The following ANKS1B variants were observed in gnomAD, a reference collection of about 807,000 sequenced individuals.
The protein encoded by ANKS1B is ankyrin repeat and sterile alpha motif domain-containing protein 1B.
ANKS1B carries 36 observed loss-of-function variants against 148.3 expected under a neutral mutation model. The ratio of observed to expected loss-of-function variants is 0.24; its 90% CI spans 0.19 to 0.32. ANKS1B has a LOEUF of 0.32. ANKS1B is among the 10% of genes least tolerant of loss of function. The probability of loss-of-function intolerance (pLI) is 1.00; values close to 1 mark genes in which losing one functional copy is unlikely to be tolerated. For missense variants in ANKS1B, 1,157 were observed against 1,542.6 expected, an observed-to-expected ratio of 0.75 and a Z score of 4.19; for synonymous variants, 542 against 560.8, an observed-to-expected ratio of 0.97 and a Z score of 0.47.
chr12:99,087,420 G>A (rs1432061424), intron 15 of ANKS1B, among the ~76,000 whole-genome samples: 2 of 151,854 alleles, frequency 1.3e-5, no homozygotes, highest in African/African-American at 4.8e-5. Context: ...AATGATCCAG[G>A]TATTCAGCAG....
chr12:99,784,060 A>G (rs1316749489), intron 4 of ANKS1B, among the ~76,000 whole-genome samples: 1 of 152,158 alleles, frequency 6.6e-6, no homozygotes, highest in African/African-American at 2.4e-5. Context: ...AATGTGGCTT[A>G]AGAAACCCAG....
At chr12:99,819,692 T>C (rs2082279897) in intron 2 of ANKS1B, among the ~76,000 whole-genome samples, 1 of 151,164 alleles carries the variant, frequency 6.6e-6, no homozygotes, top group African/African-American at 2.4e-5. Flanking sequence ...AAGAAGAAAA[T>C]AAGGAACTAT....
intron 1 of ANKS1B, among the ~76,000 whole-genome samples, chr12:99,954,270 C>G (rs1010627654): frequency 6.6e-6 from 1 of 152,134 alleles, no homozygotes; most frequent in Non-Finnish European, 1.5e-5. Flanking sequence ...AATCTTCAAT[C>G]CAGTTCTTTC....
intron 24 of ANKS1B, among the ~76,000 whole-genome samples, chr12:98,776,845 T>TA (rs2098682381): frequency 6.6e-6 from 1 of 152,180 alleles, no homozygotes; most frequent in African/African-American, 2.4e-5. Flanking sequence ...CACATGTGCT[T>TA]AACATGGCCT....
intron 17 of ANKS1B, among the ~76,000 whole-genome samples, chr12:99,041,307 A>G (rs113037435): frequency 7.9e-5 from 12 of 152,308 alleles, no homozygotes; most frequent in African/African-American, 2.4e-4. Context: ...CGAAGAGTGG[A>G]TGTGCAACAA....
intron 17 of ANKS1B, among the ~76,000 whole-genome samples, chr12:98,938,574 T>C (rs1387289222): frequency 1.3e-5 from 2 of 152,210 alleles, no homozygotes; most frequent in Non-Finnish European, 2.9e-5. Context: ...AGAGTGCTCT[T>C]CCTGAAAATG....
intron 10 of ANKS1B, among the ~76,000 whole-genome samples, chr12:99,474,576 T>C (rs1156241335): frequency 6.6e-6 from 1 of 151,502 alleles, no homozygotes; most frequent in East Asian, 1.9e-4. Context: ...AAGCTGGAAA[T>C]AAATAGAAAA....
At chr12:98,835,405 G>A (rs1212605675) in intron 17 of ANKS1B, among the ~76,000 whole-genome samples, 3 of 152,146 alleles carry the variant, frequency 2.0e-5, no homozygotes, top group Non-Finnish European at 1.5e-5. Flanking sequence ...GGTTCTGAGG[G>A]TGCACAGGAA....
chr12:99,349,476 G>A (rs934238099), intron 12 of ANKS1B, among the ~76,000 whole-genome samples: 4 of 151,798 alleles, frequency 2.6e-5, no homozygotes, highest in Non-Finnish European at 5.9e-5. Context: ...GAAAGTTAAA[G>A]GATAGAAAAA....
At chr12:99,666,653 A>G (rs4371013) in intron 8 of ANKS1B, among the ~76,000 whole-genome samples, 68,239 of 151,906 alleles carry the variant, frequency 0.45, 16,097 homozygotes, top group South Asian at 0.6. Context: ...GGGTAAACAC[A>G]CGTTTCGTGT....
intron 11 of ANKS1B, among the ~76,000 whole-genome samples, chr12:99,421,891 C>A (rs1452561963): frequency 6.6e-6 from 1 of 152,050 alleles, no homozygotes; most frequent in Admixed American, 6.5e-5. Context: ...TTCACAAGAT[C>A]TGGTTGTTTA....
intron 17 of ANKS1B, among the ~76,000 whole-genome samples, chr12:99,028,744 A>G (rs1198199659): frequency 1.3e-5 from 2 of 152,300 alleles, no homozygotes; most frequent in African/African-American, 4.8e-5. Flanking sequence ...ACCGATTTTT[A>G]CCTACATTCT....
intron 12 of ANKS1B, among the ~76,000 whole-genome samples, chr12:99,399,130 G>A (rs932672392): frequency 6.6e-6 from 1 of 152,080 alleles, no homozygotes; most frequent in Non-Finnish European, 1.5e-5. Context: ...TGTTTTACTA[G>A]TGGGTGGTGT....
intron 9 of ANKS1B, among the ~76,000 whole-genome samples, chr12:99,594,670 A>C (rs2097738518): frequency 1.3e-5 from 2 of 152,050 alleles, no homozygotes; most frequent in African/African-American, 4.8e-5. Context: ...AAAATGATCA[A>C]ACTCACAGAG....
intron 9 of ANKS1B, among the ~76,000 whole-genome samples, chr12:98,736,891 G>A (rs528096442): frequency 2.8e-4 from 43 of 152,176 alleles, no homozygotes; most frequent in Non-Finnish European, 5.9e-4. Context: ...TGCATGCCAA[G>A]CACTGTTTTA....
intron 1 of ANKS1B, among the ~76,000 whole-genome samples, chr12:99,938,854 T>C (rs2094845976): frequency 6.6e-6 from 1 of 152,194 alleles, no homozygotes; most frequent in Non-Finnish European, 1.5e-5. Context: ...CCATCAGGCC[T>C]GTTAGGTAAA....
At chr12:99,141,271 C>T (rs936929644) in intron 15 of ANKS1B, among the ~76,000 whole-genome samples, 9 of 152,106 alleles carry the variant, frequency 5.9e-5, no homozygotes. Flanking sequence ...CTTCTTTTGA[C>T]AGTTGTCTAC....
intron 17 of ANKS1B, among the ~76,000 whole-genome samples, chr12:98,833,532 G>C (rs2099343695): frequency 6.6e-6 from 1 of 152,054 alleles, no homozygotes; most frequent in Non-Finnish European, 1.5e-5. Flanking sequence ...CAAGTTTTAA[G>C]ATAGAAGGTG....
At chr12:99,670,540 T>C (rs1459085376) in intron 8 of ANKS1B, among the ~76,000 whole-genome samples, 1 of 152,148 alleles carries the variant, frequency 6.6e-6, no homozygotes, top group Non-Finnish European at 1.5e-5. Flanking sequence ...AACTACTGTC[T>C]ACAAGGCTGA....
Sources: gnomAD v4.1 joint callset for allele counts (sites outside exome capture counted in the v4.1 genomes callset) on GRCh38, gnomAD v4.1.1 for gene constraint, MANE v1.5 for transcripts, NCBI Gene and HGNC (gene_info 2026-07-23, HGNC 2026-07-21) for gene names.